SESTD1: variants seen among roughly 807,000 people sequenced by gnomAD.
The protein encoded by SESTD1 is SEC14 domain and spectrin repeat-containing protein 1.
A neutral mutation model predicts 101.7 loss-of-function variants in SESTD1; 43 were observed. That is an observed-to-expected ratio of 0.42 (90% CI 0.33 to 0.55). The LOEUF (loss-of-function observed/expected upper bound fraction) is 0.55, where lower values mean the gene tolerates loss of function less well. SESTD1 is among the 20% of genes least tolerant of loss of function. SESTD1 has a pLI of 0.07. For synonymous variants in SESTD1, 283 were observed against 286.8 expected, an observed-to-expected ratio of 0.99 and a Z score of 0.13; for missense variants, 647 against 815.1, an observed-to-expected ratio of 0.79 and a Z score of 2.51.
chr2:179,249,619 C>T (rs138279291), intron 1 of SESTD1, among the ~76,000 whole-genome samples: 201 of 152,092 alleles, frequency 1.3e-3, no homozygotes, highest in African/African-American at 4.6e-3. Flanking sequence ...CAATTCCTAG[C>T]ATAATTCTAT....
At chr2:179,121,966 A>T in intron 12 of SESTD1, 37 bp from the exon 13 acceptor site, 1 of 1,556,814 alleles carries the variant, frequency 6.4e-7, no homozygotes, top group Non-Finnish European at 8.6e-7. Flanking sequence ...CTCTTACACA[A>T]CTAAGGCGCT....
At chr2:179,128,294 A>G (rs1044045306) in intron 10 of SESTD1, among the ~76,000 whole-genome samples, 2 of 152,220 alleles carry the variant, frequency 1.3e-5, no homozygotes, top group African/African-American at 4.8e-5. Context: ...TCAAGAAATT[A>G]ACACCTGAAA....
chr2:179,175,987 T>C (rs1056516469), intron 4 of SESTD1, among the ~76,000 whole-genome samples: 6 of 152,192 alleles, frequency 3.9e-5, no homozygotes, highest in Admixed American at 6.5e-5. Flanking sequence ...TGATGCTTTA[T>C]GTAGGAAATA....
At chr2:179,184,142 C>CA (rs1291906282) in intron 2 of SESTD1, among the ~76,000 whole-genome samples, 1 of 152,146 alleles carries the variant, frequency 6.6e-6, no homozygotes. Context: ...AAGTCCCTTT[C>CA]AGTGTGCCAA....
intron 5 of SESTD1, among the ~76,000 whole-genome samples, chr2:179,158,571 C>T (rs2045673534): frequency 6.6e-6 from 1 of 152,072 alleles, no homozygotes; most frequent in Non-Finnish European, 1.5e-5. Flanking sequence ...TGACATAACA[C>T]ATATTTAAGA....
rs755126778 is a variant in SESTD1, at chr2:179,104,745, T to G, written c.*5154A>C. ...AACTACTTTCAGTTAAGAATTCCTA[T>G]AAAATTACATATAGGAATTATACAT... On this transcript the variant is annotated 3_prime_UTR_variant, in exon 18 of 18. Transcript: ENST00000428443. 1 of 152,108 alleles carries G rather than the reference T, an allele frequency of 6.6e-6. No individual in the cohort carries two copies. The highest frequency in any genetic ancestry group is 1.5e-5 in the Non-Finnish European group (1 of 68,016). The allele number at this position is 152,108 out of a possible 1,614,324, so 9.4% of individuals were successfully genotyped here.
intron 1 of SESTD1, among the ~76,000 whole-genome samples, chr2:179,211,855 G>A (rs1294833581): frequency 7.6e-6 from 1 of 132,094 alleles, no homozygotes; most frequent in African/African-American, 3.0e-5. Flanking sequence ...GGGGACTCAG[G>A]GGGAAGGGTG....
chr2:179,198,879 C>T (rs2046450900), intron 1 of SESTD1, among the ~76,000 whole-genome samples: 1 of 151,586 alleles, frequency 6.6e-6, no homozygotes, highest in African/African-American at 2.4e-5. Context: ...GACACCCTAA[C>T]ATCACAATTA....
intron 15 of SESTD1, 149 bp downstream of exon 15, chr2:179,116,519 T>C: frequency 1.6e-6 from 2 of 1,242,290 alleles, no homozygotes; most frequent in Non-Finnish European, 2.3e-6. Flanking sequence ...CTAGTTTTGA[T>C]GCACCAGCTG....
chr2:179,122,514 G>A (rs2044775855), intron 12 of SESTD1, among the ~76,000 whole-genome samples: 1 of 151,996 alleles, frequency 6.6e-6, no homozygotes, highest in Non-Finnish European at 1.5e-5. Flanking sequence ...AAAGACTGTG[G>A]CTCAAGAAAA....
At chr2:179,131,112 T>C (rs17454164) in intron 10 of SESTD1, among the ~76,000 whole-genome samples, 3 of 152,086 alleles carry the variant, frequency 2.0e-5, no homozygotes, top group Admixed American at 6.6e-5. Flanking sequence ...TTGTAATATC[T>C]CTTATTATTC....
intron 9 of SESTD1, among the ~76,000 whole-genome samples, chr2:179,141,214 A>C (rs900334161): frequency 6.6e-6 from 1 of 152,184 alleles, no homozygotes; most frequent in Non-Finnish European, 1.5e-5. Flanking sequence ...GATTCTCCAC[A>C]CTATTTTGCA....
intron 1 of SESTD1, among the ~76,000 whole-genome samples, chr2:179,246,254 CAAAAAAAA>C (rs60185738): frequency 1.8e-4 from 13 of 73,696 alleles, no homozygotes; most frequent in East Asian, 3.7e-4. Context: ...GACTCCATCT[CAAAAAAAA>C]AAAAAAAAAA....
intron 1 of SESTD1, among the ~76,000 whole-genome samples, chr2:179,217,965 C>A (rs544766266): frequency 1.3e-5 from 2 of 151,540 alleles, no homozygotes; most frequent in East Asian, 3.9e-4. Context: ...GAACGTCACA[C>A]ACTGGGGCCT....
intron 1 of SESTD1, among the ~76,000 whole-genome samples, chr2:179,231,481 C>T (rs1167332168): frequency 6.6e-6 from 1 of 150,806 alleles, no homozygotes; most frequent in Non-Finnish European, 1.5e-5. Flanking sequence ...ATACAAGTAG[C>T]TGCTACAACA....
At chr2:179,177,739 G>T (rs1208772888) in intron 3 of SESTD1, among the ~76,000 whole-genome samples, 1 of 152,172 alleles carries the variant, frequency 6.6e-6, no homozygotes, top group Admixed American at 6.5e-5. Flanking sequence ...ACAAAAACCT[G>T]CATGTAAATA....
In SESTD1 at chr2:179,162,751, G is replaced by A. The variant is rs1041589869; in HGVS notation, c.369+9369C>T. Among the ~76,000 whole-genome samples the A allele has an allele frequency of 2.6e-5, 4 of 151,684 alleles. No individual in the cohort carries two copies. The East Asian group carries it at 7.7e-4, about 29-fold the overall frequency. ...GTCTGTAATCCTAGCACTTTGGGAG[G>A]CCGAGGCAGGTGGATCACAAGGTAG... On this transcript the variant is annotated intron_variant, in intron 5 of 17. Transcript: ENST00000428443.
At chr2:179,235,026 A>T (rs938891242) in intron 1 of SESTD1, among the ~76,000 whole-genome samples, 2 of 152,128 alleles carry the variant, frequency 1.3e-5, no homozygotes, top group African/African-American at 4.8e-5. Flanking sequence ...CTAAAGAGAC[A>T]TGAAAAACCA....
rs1204360362 is a variant in SESTD1, at chr2:179,212,093, T to C, written c.-25-20227A>G. ...CCCAGTGTGATTGATGCAGAAGACA[T>C]GTGATTTCTGCATTTCCAACTGAGG... On this transcript the variant is annotated intron_variant, in intron 1 of 17. Transcript: ENST00000428443. 1.5e-5 allele frequency among the ~76,000 whole-genome samples: 2 copies of C among 134,996 alleles called. 1 individual carries two copies. The highest frequency in any genetic ancestry group is 5.8e-5 in the African/African-American group (2 of 34,194). The allele number at this position is 134,996 out of a possible 152,430, so 88.6% of individuals were successfully genotyped here.
Sources: gnomAD v4.1 joint callset for allele counts (sites outside exome capture counted in the v4.1 genomes callset) on GRCh38, gnomAD v4.1.1 for gene constraint, MANE v1.5 for transcripts, NCBI Gene and HGNC (gene_info 2026-07-23, HGNC 2026-07-21) for gene names.